STAP1: variants seen among roughly 807,000 people sequenced by gnomAD.
STAP1 encodes signal-transducing adaptor protein 1.
A neutral mutation model predicts 37.8 loss-of-function variants in STAP1; 30 were observed. The ratio of observed to expected loss-of-function variants is 0.79; its 90% CI spans 0.59 to 1.08. The LOEUF is 1.08. STAP1 is among the 50% of genes least tolerant of loss of function. The probability of loss-of-function intolerance (pLI) is 0.00; values close to 1 mark genes in which losing one functional copy is unlikely to be tolerated. For synonymous variants in STAP1, 130 were observed against 116.0 expected, an observed-to-expected ratio of 1.12 and a Z score of -0.78; for missense variants, 357 against 349.4, an observed-to-expected ratio of 1.02 and a Z score of -0.17.
At chr4:67,582,714 G>C (rs530884868) in intron 5 of STAP1, among the ~76,000 whole-genome samples, 20 of 151,948 alleles carry the variant, frequency 1.3e-4, no homozygotes, top group Middle Eastern at 3.4e-3. Context: ...ATGGTTAAAT[G>C]ACTTTTTGAC....
chr4:67,604,356 G>T (rs1014417230), intron 8 of STAP1, among the ~76,000 whole-genome samples: 2 of 152,096 alleles, frequency 1.3e-5, no homozygotes, highest in African/African-American at 4.8e-5. Context: ...CCGGATTTTT[G>T]GTTCTTATTA....
At chr4:67,581,887 C>T (rs1011891695) in intron 5 of STAP1, among the ~76,000 whole-genome samples, 1 of 152,230 alleles carries the variant, frequency 6.6e-6, no homozygotes, top group African/African-American at 2.4e-5. Flanking sequence ...CAGTAGTCAT[C>T]AAGCTTGTAC....
intron 6 of STAP1, 137 bp from the exon 7 acceptor site, chr4:67,590,745 ATT>A (rs66493617): frequency 0.032 from 6,620 of 207,788 alleles, no homozygotes; most frequent in East Asian, 0.081. Flanking sequence ...ACCACGAAGG[ATT>A]TTTTTTTTTT....
At position 67,606,994 on chromosome 4, in the gene STAP1, T is replaced by C. The variant is rs1161195207; in HGVS notation, c.*637T>C. 1 of 152,242 alleles carries C rather than the reference T, an allele frequency of 6.6e-6. No individual in the cohort carries two copies. Among genetic ancestry groups the C allele is most frequent in the East Asian group, 1.9e-4 (1 of 5,204 alleles). The allele number at this position is 152,242 out of a possible 1,614,324, so 9.4% of individuals were successfully genotyped here. A position where few individuals can be genotyped will look rare whatever the true frequency, so the allele number is the denominator to read the frequency against. On this transcript the variant is annotated 3_prime_UTR_variant, in exon 9 of 9. Coordinates refer to ENST00000265404, the MANE Select transcript of STAP1 (RefSeq NM_012108.4). ...TATCATCATCTTGTCGTAAGTACGA[T>C]GAGCCTGATTATAAGTACCTGGAGT...
At chr4:67,578,176 A>G (rs1178406796) in intron 4 of STAP1, among the ~76,000 whole-genome samples, 2 of 152,200 alleles carry the variant, frequency 1.3e-5, no homozygotes, top group Non-Finnish European at 2.9e-5. Flanking sequence ...CTCTTGCAGT[A>G]AGATAATGTC....
intron 4 of STAP1, among the ~76,000 whole-genome samples, chr4:67,578,924 G>A (rs1308554475): frequency 3.3e-5 from 5 of 151,160 alleles, no homozygotes; most frequent in Admixed American, 6.6e-5. Flanking sequence ...CACCTCCTGC[G>A]TTCAAGCAAT....
intron 8 of STAP1, among the ~76,000 whole-genome samples, chr4:67,597,175 C>T (rs1728243494): frequency 6.6e-6 from 1 of 152,220 alleles, no homozygotes; most frequent in African/African-American, 2.4e-5. Context: ...GTGCCAGCTC[C>T]AGCAGTGGCT....
intron 1 of STAP1, among the ~76,000 whole-genome samples, chr4:67,560,985 A>G (rs1727325404): frequency 6.6e-6 from 1 of 152,188 alleles, no homozygotes; most frequent in Non-Finnish European, 1.5e-5. Flanking sequence ...GGGAGAAGAG[A>G]GCAAGAGGAT....
In STAP1 at chr4:67,604,796, C is replaced by T. The variant is rs898754884; in HGVS notation, c.827-1500C>T. ...GGTGCATTTTTTAAAAGCAGGCAAC[C>T]ATCTTGATTAGATTGAACCAGTTCT... On this transcript the variant is annotated intron_variant, in intron 8 of 8. Coordinates refer to ENST00000265404, the MANE Select transcript of STAP1 (RefSeq NM_012108.4). Among the ~76,000 whole-genome samples, 4 of 148,344 alleles carry T rather than the reference C, an allele frequency of 2.7e-5. No homozygotes were observed. The East Asian group carries it at 7.8e-4, about 29-fold the overall frequency.
intron 5 of STAP1, among the ~76,000 whole-genome samples, chr4:67,582,839 A>G (rs899955245): frequency 6.6e-6 from 1 of 152,172 alleles, no homozygotes; most frequent in African/African-American, 2.4e-5. Context: ...GACATTCAAC[A>G]TTTTATTATA....
intron 8 of STAP1, among the ~76,000 whole-genome samples, chr4:67,602,733 C>A (rs924182474): frequency 1.3e-5 from 2 of 152,188 alleles, no homozygotes; most frequent in Non-Finnish European, 2.9e-5. Flanking sequence ...CTCTCTCTCT[C>A]TCTGTGTGTG....
At chr4:67,580,702 G>A (rs1021571147) in intron 4 of STAP1, among the ~76,000 whole-genome samples, 2 of 152,182 alleles carry the variant, frequency 1.3e-5, no homozygotes, top group African/African-American at 4.8e-5. Context: ...ACATATATAG[G>A]TGAGTCAATC....
intron 6 of STAP1, among the ~76,000 whole-genome samples, chr4:67,584,520 T>C (rs1727937848): frequency 6.6e-6 from 1 of 151,882 alleles, no homozygotes; most frequent in Non-Finnish European, 1.5e-5. Flanking sequence ...CCCTCAGAGG[T>C]GACAAAGGGA....
At chr4:67,570,119 A>G (rs1727567701) in intron 1 of STAP1, among the ~76,000 whole-genome samples, 1 of 152,154 alleles carries the variant, frequency 6.6e-6, no homozygotes, top group African/African-American at 2.4e-5. Context: ...CCTGAAGAAC[A>G]TGCTTGAGGC....
chr4:67,606,387 T>C lies in STAP1; in HGVS notation c.*30T>C, dbSNP rs1021878300. The C allele has an allele frequency of 5.1e-6, 8 of 1,580,448 alleles. No individual in the cohort carries two copies. The African/African-American group carries it at 1.1e-4, about 22-fold the overall frequency. On this transcript the variant is annotated 3_prime_UTR_variant, in exon 9 of 9. Transcript: ENST00000265404. ...CAATGTGAAAGCTCCTTTGTATATC[T>C]TGGTAATTTATATTTTCAAAACGAA... is the stretch of plus-strand genomic sequence containing the variant.
At chr4:67,579,833 C>T (rs1163750002) in intron 4 of STAP1, among the ~76,000 whole-genome samples, 1 of 152,106 alleles carries the variant, frequency 6.6e-6, no homozygotes, top group Non-Finnish European at 1.5e-5. Context: ...AACACATATC[C>T]AAACTATGTC....
chr4:67,602,116 A>G (rs951231030), intron 8 of STAP1, among the ~76,000 whole-genome samples: 20 of 151,676 alleles, frequency 1.3e-4, no homozygotes, highest in African/African-American at 4.6e-4. Flanking sequence ...TGCTTGATCA[A>G]TTCTGCCCTA....
intron 2 of STAP1, among the ~76,000 whole-genome samples, chr4:67,575,024 T>A (rs1025405864): frequency 2.6e-5 from 4 of 152,120 alleles, no homozygotes; most frequent in Non-Finnish European, 5.9e-5. Context: ...CTTAAGAACA[T>A]AGAGAACAGT....
intron 1 of STAP1, among the ~76,000 whole-genome samples, chr4:67,561,908 C>T (rs1222202143): frequency 3.3e-5 from 5 of 151,676 alleles, no homozygotes; most frequent in Non-Finnish European, 1.5e-5. Flanking sequence ...CCCGTCTCTA[C>T]TAAAAATACA....
Sources: gnomAD v4.1 joint callset for allele counts (sites outside exome capture counted in the v4.1 genomes callset) on GRCh38, gnomAD v4.1.1 for gene constraint, MANE v1.5 for transcripts, NCBI Gene and HGNC (gene_info 2026-07-23, HGNC 2026-07-21) for gene names.